Variants in ZNF728 observed in about 807,000 individuals in gnomAD.
ZNF728 encodes the protein zinc finger protein 728.
A neutral mutation model predicts 12.5 loss-of-function variants in ZNF728; 12 were observed. The ratio of observed to expected loss-of-function variants is 0.96; its 90% CI spans 0.61 to 1.55. The LOEUF is 1.55. Among genes scored for constraint, ZNF728 ranks in the 40% most tolerant of loss-of-function variants. The pLI is 0.00. For missense variants in ZNF728, 692 were observed against 719.2 expected (o/e 0.96, Z 0.43); for synonymous variants, 205 against 240.7 (o/e 0.85, Z 1.37).
intron 1 of ZNF728, among the ~76,000 whole-genome samples, chr19:22,992,603 A>G (rs1194302253): frequency 9.2e-5 from 14 of 151,930 alleles, no homozygotes; most frequent in Admixed American, 9.2e-4. Context: ...TATCTGTTTG[A>G]GCCCAATTAG....
chr19:22,999,035 A>G (rs1472951412), intron 1 of ZNF728, among the ~76,000 whole-genome samples: 4 of 152,198 alleles, frequency 2.6e-5, no homozygotes, highest in African/African-American at 9.6e-5. Context: ...CTGAGCCACC[A>G]TACAACCTCA....
intron 3 of ZNF728, among the ~76,000 whole-genome samples, chr19:22,978,471 G>A (rs370139786): frequency 1.3e-5 from 2 of 152,156 alleles, no homozygotes; most frequent in African/African-American, 2.4e-5. Flanking sequence ...TGAAAATAAC[G>A]TAACATAAAA....
At chr19:23,001,381 C>T (rs1299040863) in intron 1 of ZNF728, among the ~76,000 whole-genome samples, 2 of 152,220 alleles carry the variant, frequency 1.3e-5, no homozygotes, top group African/African-American at 2.4e-5. Flanking sequence ...ACAGTGCATT[C>T]ACCTGCTCTC....
intron 1 of ZNF728, among the ~76,000 whole-genome samples, chr19:22,990,224 T>C (rs1282781673): frequency 6.6e-6 from 1 of 151,616 alleles, no homozygotes; most frequent in Non-Finnish European, 1.5e-5. Context: ...GGAAGCAGAG[T>C]GGACACAGAT....
intron 3 of ZNF728, among the ~76,000 whole-genome samples, chr19:22,981,675 C>A (rs1162594218): frequency 3.3e-5 from 5 of 152,146 alleles, no homozygotes; most frequent in African/African-American, 1.2e-4. Context: ...AAAAGCTTAT[C>A]CACCACGATC....
chr19:22,983,851 G>C (rs1968885864), intron 3 of ZNF728, among the ~76,000 whole-genome samples: 1 of 152,134 alleles, frequency 6.6e-6, no homozygotes, highest in African/African-American at 2.4e-5. Context: ...ACCAGGGCCT[G>C]TCGGGGAGTG....
intron 3 of ZNF728, 69 bp from the exon 4 acceptor site, chr19:22,977,179 A>G: frequency 7.3e-7 from 1 of 1,365,490 alleles, no homozygotes; most frequent in Non-Finnish European, 9.7e-7. Context: ...TTTAACCTAT[A>G]AAATTATTCA....
At chr19:23,000,890 A>AAC (rs1568279352) in intron 1 of ZNF728, among the ~76,000 whole-genome samples, 4 of 81,464 alleles carry the variant, frequency 4.9e-5, no homozygotes, top group East Asian at 3.0e-4. Flanking sequence ...AAAAAACCAA[A>AAC]AAAAAAAAAA....
At chr19:22,977,177 A>C (rs1568274044) in intron 3 of ZNF728, 67 bp from the exon 4 acceptor site, 2 of 1,387,926 alleles carry the variant, frequency 1.4e-6, no homozygotes, top group Non-Finnish European at 1.9e-6. Flanking sequence ...AATTTAACCT[A>C]TAAAATTATT....
intron 3 of ZNF728, among the ~76,000 whole-genome samples, chr19:22,980,704 G>C (rs1360419768): frequency 6.6e-6 from 1 of 152,128 alleles, no homozygotes; most frequent in Non-Finnish European, 1.5e-5. Flanking sequence ...AATCAAATTA[G>C]AACTCAGGAT....
chr19:22,975,010 A>G lies in ZNF728; in HGVS notation c.*458T>C, dbSNP rs1968777861. On this transcript the variant is annotated 3_prime_UTR_variant, in exon 4 of 4. Coordinates refer to ENST00000594710, the MANE Select transcript of ZNF728 (RefSeq NM_001267716.2). ...CTCCAGTATGAGATATCTTACCTAC[A>G]ATCAAGTGTGACAGCCATTTAAAGG... 6.6e-6 allele frequency among the ~76,000 whole-genome samples: 1 copy of G among 152,190 alleles called. No homozygotes were observed. The highest frequency in any genetic ancestry group is 1.5e-5 in the Non-Finnish European group (1 of 68,020).
At chr19:22,984,581 C>T (rs200709356) in intron 3 of ZNF728, among the ~76,000 whole-genome samples, 20 of 87,898 alleles carry the variant, frequency 2.3e-4, no homozygotes, top group African/African-American at 9.4e-4. Context: ...AAAAAATACA[C>T]ACACACACAC....
intron 3 of ZNF728, chr19:22,985,627 T>A (rs371431373): frequency 1.9e-4 from 29 of 152,340 alleles, no homozygotes; most frequent in African/African-American, 6.3e-4. Context: ...CCCACCCAAC[T>A]TGGTCCCACT....
At chr19:22,995,877 T>G (rs1450308478) in intron 1 of ZNF728, 2 of 152,228 alleles carry the variant, frequency 1.3e-5, no homozygotes, top group Admixed American at 6.5e-5. Context: ...TGTGTTAATA[T>G]AGTAGAATAT....
At chr19:22,994,235 G>A (rs1269133855) in intron 1 of ZNF728, among the ~76,000 whole-genome samples, 6 of 152,126 alleles carry the variant, frequency 3.9e-5, no homozygotes, top group Admixed American at 3.3e-4. Context: ...GTAGGCAGAC[G>A]CACAATTCCA....
At chr19:22,981,792 C>T (rs899581258) in intron 3 of ZNF728, among the ~76,000 whole-genome samples, 2 of 152,114 alleles carry the variant, frequency 1.3e-5, no homozygotes, top group Non-Finnish European at 2.9e-5. Flanking sequence ...ATGATTATCT[C>T]AATAGATGCA....
At chr19:23,000,367 G>T (rs544658890) in intron 1 of ZNF728, among the ~76,000 whole-genome samples, 59 of 148,098 alleles carry the variant, frequency 4.0e-4, no homozygotes, top group African/African-American at 1.4e-3. Flanking sequence ...GACAGAGCAA[G>T]ACTCTGCCTC....
At chr19:23,000,226 A>C (rs1337461086) in intron 1 of ZNF728, among the ~76,000 whole-genome samples, 1 of 151,942 alleles carries the variant, frequency 6.6e-6, no homozygotes, top group African/African-American at 2.4e-5. Flanking sequence ...AAATACAAAA[A>C]AATTAGCTGG....
At chr19:23,001,180 T>A (rs1175035727) in intron 1 of ZNF728, among the ~76,000 whole-genome samples, 4 of 152,216 alleles carry the variant, frequency 2.6e-5, no homozygotes, top group African/African-American at 9.6e-5. Context: ...CCATTTTTAT[T>A]TCACTATTTT....
Sources: allele counts gnomAD v4.1 joint callset (sites outside exome capture counted in the v4.1 genomes callset), GRCh38; gene constraint gnomAD v4.1.1; transcripts MANE v1.5; gene names NCBI Gene and HGNC (gene_info 2026-07-23, HGNC 2026-07-21).